Variants in PID1 observed in about 807,000 individuals in gnomAD.
PID1 encodes PTB-containing, cubilin and LRP1-interacting protein.
A neutral mutation model predicts 19.1 loss-of-function variants in PID1; 10 were observed. That is an observed-to-expected ratio of 0.52 (90% CI 0.32 to 0.89). The LOEUF is 0.89. Ranked by LOEUF, PID1 falls within the 40% of genes least tolerant of loss-of-function variation. PID1 has a pLI of 0.03. For missense variants in PID1, 248 were observed against 285.3 expected, an observed-to-expected ratio of 0.87 and a Z score of 0.94; for synonymous variants, 130 against 116.0, an observed-to-expected ratio of 1.12 and a Z score of -0.78.
chr2:229,240,320 A>C (rs1032686612), intron 1 of PID1, among the ~76,000 whole-genome samples: 4 of 152,154 alleles, frequency 2.6e-5, no homozygotes, highest in African/African-American at 9.7e-5. Flanking sequence ...CAAAAAAAAA[A>C]CTTGGATATC....
chr2:229,030,137 A>C (rs368084824), intron 2 of PID1, among the ~76,000 whole-genome samples: 1 of 152,252 alleles, frequency 6.6e-6, no homozygotes, highest in East Asian at 1.9e-4. Context: ...ACATTATGCT[A>C]AGTAAAATAC....
chr2:229,170,132 C>T (rs1214075619), intron 1 of PID1, among the ~76,000 whole-genome samples: 1 of 152,182 alleles, frequency 6.6e-6, no homozygotes, highest in Non-Finnish European at 1.5e-5. Flanking sequence ...GGCCAAGTCG[C>T]ATGTACTTCC....
At chr2:229,223,379 T>C (rs1274292620) in intron 1 of PID1, among the ~76,000 whole-genome samples, 1 of 152,248 alleles carries the variant, frequency 6.6e-6, no homozygotes, top group Non-Finnish European at 1.5e-5. Context: ...CATATCCTTT[T>C]GTCCATTTAT....
intron 1 of PID1, among the ~76,000 whole-genome samples, chr2:229,156,597 A>T (rs1690377787): frequency 1.3e-5 from 2 of 152,160 alleles, no homozygotes; most frequent in Non-Finnish European, 2.9e-5. Context: ...CACCCAGTCT[A>T]AGACCCCTCT....
intron 2 of PID1, among the ~76,000 whole-genome samples, chr2:229,137,608 A>ACT (rs1689883242): frequency 6.6e-6 from 1 of 152,228 alleles, no homozygotes; most frequent in Non-Finnish European, 1.5e-5. Context: ...TGCACTGTAA[A>ACT]GTAAATCAAT....
rs921256392 is a variant in PID1, at chr2:229,178,439, G to C, written c.31-22475C>G. 7.9e-5 allele frequency among the ~76,000 whole-genome samples: 12 copies of C among 152,182 alleles called. 1 individual carries two copies. The East Asian group carries it at 1.4e-3, about 17-fold the overall frequency. On this transcript the variant is annotated intron_variant, in intron 1 of 2. Coordinates refer to ENST00000392055, the MANE Select transcript of PID1 (RefSeq NM_001100818.2). The stretch of plus-strand genomic sequence containing the variant: ...CAAAAAGGTGTATATAGAAATTTTA[G>C]CTTATTTTCTTCAATTAGTTTTTTT...
intron 1 of PID1, among the ~76,000 whole-genome samples, chr2:229,157,420 G>T (rs1690396711): frequency 1.4e-5 from 2 of 138,992 alleles, no homozygotes; most frequent in Non-Finnish European, 3.1e-5. Context: ...ATAAGAGCAA[G>T]ATTCCATCTC....
intron 2 of PID1, among the ~76,000 whole-genome samples, chr2:229,093,594 C>T (rs1049502579): frequency 3.3e-5 from 5 of 152,224 alleles, no homozygotes; most frequent in South Asian, 2.1e-4. Context: ...ATGTGTGCAT[C>T]GGCTGAGGGC....
At chr2:229,206,312 A>T (rs6710024) in intron 1 of PID1, among the ~76,000 whole-genome samples, 42,698 of 150,876 alleles carry the variant, frequency 0.28, 6,772 homozygotes, top group East Asian at 0.63. Context: ...GTTAATTTTT[A>T]TTTTTAGCTT....
chr2:229,146,151 A>G (rs543994262), intron 2 of PID1, among the ~76,000 whole-genome samples: 1 of 152,222 alleles, frequency 6.6e-6, no homozygotes, highest in African/African-American at 2.4e-5. Flanking sequence ...TATGTGCCAC[A>G]TTTTCTTTAT....
At chr2:229,062,639 G>A (rs959585238) in intron 2 of PID1, among the ~76,000 whole-genome samples, 1 of 151,888 alleles carries the variant, frequency 6.6e-6, no homozygotes, top group Admixed American at 6.6e-5. Flanking sequence ...GATGATTAAT[G>A]TTGGCCTCAT....
chr2:229,245,046 C>A (rs558188057), intron 1 of PID1: 2 of 152,234 alleles, frequency 1.3e-5, no homozygotes, highest in South Asian at 2.1e-4. Context: ...TGTTGTGTTG[C>A]AAAGCCCATC....
chr2:229,153,640 A>G (rs1374504582), intron 2 of PID1, among the ~76,000 whole-genome samples: 1 of 152,188 alleles, frequency 6.6e-6, no homozygotes, highest in African/African-American at 2.4e-5. Context: ...AACCTAAGGC[A>G]GCACACAGAA....
chr2:229,257,531 G>A (rs6724020), intron 1 of PID1, among the ~76,000 whole-genome samples: 57,248 of 151,964 alleles, frequency 0.38, 11,372 homozygotes, highest in African/African-American at 0.5. Context: ...ACACGTACAG[G>A]TTGACAGGGG....
chr2:229,231,375 T>C (rs1692201840), intron 1 of PID1, among the ~76,000 whole-genome samples: 2 of 152,064 alleles, frequency 1.3e-5, no homozygotes, highest in Non-Finnish European at 2.9e-5. Context: ...TCACAGTCAA[T>C]TGCCCCATCC....
chr2:229,143,469 T>C (rs1013390123), intron 2 of PID1, among the ~76,000 whole-genome samples: 10 of 152,166 alleles, frequency 6.6e-5, no homozygotes, highest in Non-Finnish European at 1.5e-4. Flanking sequence ...TTTGTTGAAC[T>C]GTTAAGAAAC....
At chr2:229,149,327 C>T (rs866781993) in intron 2 of PID1, among the ~76,000 whole-genome samples, 8 of 152,228 alleles carry the variant, frequency 5.3e-5, no homozygotes, top group Middle Eastern at 3.4e-3. Flanking sequence ...CATAATTGAT[C>T]AACGGAACCC....
intron 2 of PID1, among the ~76,000 whole-genome samples, chr2:229,093,376 G>A (rs758492070): frequency 9.2e-5 from 14 of 151,874 alleles, no homozygotes; most frequent in Admixed American, 4.0e-4. Context: ...CACCTACCTC[G>A]GCCTCCCCAA....
chr2:229,098,641 A>C (rs1338832813), intron 2 of PID1, among the ~76,000 whole-genome samples: 1 of 152,140 alleles, frequency 6.6e-6, no homozygotes, highest in Non-Finnish European at 1.5e-5. Context: ...AATATGTGAG[A>C]GTGCTGTTCC....
Sources: gnomAD v4.1 joint callset for allele counts (sites outside exome capture counted in the v4.1 genomes callset) on GRCh38, gnomAD v4.1.1 for gene constraint, MANE v1.5 for transcripts, NCBI Gene and HGNC (gene_info 2026-07-23, HGNC 2026-07-21) for gene names.